Variants in SEMA5A observed in about 807,000 individuals in gnomAD.
The protein encoded by SEMA5A is semaphorin-5A.
In SEMA5A, 55 loss-of-function variants were observed where a neutral mutation model predicts 135.5. The observed-to-expected ratio is 0.41, with a 90% CI of 0.33 to 0.51. SEMA5A has a LOEUF of 0.51. Among genes scored for constraint, SEMA5A ranks in the 20% least tolerant of loss-of-function variants. The pLI is 0.37. For synonymous variants in SEMA5A, 580 were observed against 546.5 expected (o/e 1.06, Z -0.85); for missense variants, 1,290 against 1,419.9 (o/e 0.91, Z 1.47).
intron 5 of SEMA5A, among the ~76,000 whole-genome samples, chr5:9,270,051 T>C (rs757803448): frequency 6.6e-6 from 1 of 152,092 alleles, no homozygotes; most frequent in Non-Finnish European, 1.5e-5. Flanking sequence ...TATTAATACA[T>C]GCAAGGTGGT....
chr5:9,188,533 A>C (rs1282172231), intron 11 of SEMA5A, among the ~76,000 whole-genome samples: 1 of 152,106 alleles, frequency 6.6e-6, no homozygotes, highest in Non-Finnish European at 1.5e-5. Flanking sequence ...AGGTCTACTC[A>C]AGAATAGCCT....
chr5:9,099,314 C>T (rs1739496127), intron 16 of SEMA5A, among the ~76,000 whole-genome samples: 1 of 152,128 alleles, frequency 6.6e-6, no homozygotes. Context: ...CAACATGTGG[C>T]ATTTTCACTT....
chr5:9,043,977 C>T (rs908132945), intron 22 of SEMA5A, among the ~76,000 whole-genome samples: 2 of 152,216 alleles, frequency 1.3e-5, no homozygotes, highest in African/African-American at 4.8e-5. Context: ...TTCCTCCCTA[C>T]TCTAGGAGCT....
intron 2 of SEMA5A, among the ~76,000 whole-genome samples, chr5:9,391,223 C>G (rs1756146978): frequency 6.6e-6 from 1 of 152,158 alleles, no homozygotes; most frequent in Non-Finnish European, 1.5e-5. Flanking sequence ...ATTCACTGAC[C>G]CTGGGACCAG....
At chr5:9,541,746 T>C (rs1738106550) in intron 1 of SEMA5A, among the ~76,000 whole-genome samples, 1 of 152,224 alleles carries the variant, frequency 6.6e-6, no homozygotes, top group African/African-American at 2.4e-5. Context: ...ATTTTTCTGT[T>C]TTCTTGATCC....
intron 5 of SEMA5A, among the ~76,000 whole-genome samples, chr5:9,247,896 C>T (rs1457857797): frequency 6.6e-6 from 1 of 152,070 alleles, no homozygotes; most frequent in Non-Finnish European, 1.5e-5. Context: ...TATATTATCA[C>T]AATGGTAAAT....
intron 5 of SEMA5A, among the ~76,000 whole-genome samples, chr5:9,310,369 A>G (rs1702666171): frequency 6.6e-6 from 1 of 152,190 alleles, no homozygotes; most frequent in Non-Finnish European, 1.5e-5. Flanking sequence ...AACATACCTT[A>G]GTTGTTAACT....
chr5:9,136,219 G>GA (rs34149326), intron 13 of SEMA5A, among the ~76,000 whole-genome samples: 28,244 of 151,006 alleles, frequency 0.19, 2,916 homozygotes, highest in East Asian at 0.32. Flanking sequence ...TCTGGAGGGG[G>GA]AAAAAAAAAT....
intron 2 of SEMA5A, among the ~76,000 whole-genome samples, chr5:9,401,480 C>T (rs1756660315): frequency 6.6e-6 from 1 of 152,114 alleles, no homozygotes; most frequent in Non-Finnish European, 1.5e-5. Context: ...CTTATGACAC[C>T]TGTGCAATTA....
chr5:9,388,084 G>A (rs74326707), intron 2 of SEMA5A, among the ~76,000 whole-genome samples: 2,829 of 152,292 alleles, frequency 0.019, 39 homozygotes, highest in Non-Finnish European at 0.028. Context: ...TCAGGTAACT[G>A]AAGAAGTTGG....
chr5:9,164,553 C>T (rs2150292239), intron 11 of SEMA5A, among the ~76,000 whole-genome samples: 1 of 152,090 alleles, frequency 6.6e-6, no homozygotes, highest in South Asian at 2.1e-4. Flanking sequence ...ATTTATTTCA[C>T]ATAACCACCT....
intron 11 of SEMA5A, among the ~76,000 whole-genome samples, chr5:9,166,073 T>C (rs989704341): frequency 2.6e-5 from 4 of 152,170 alleles, no homozygotes; most frequent in African/African-American, 9.7e-5. Context: ...AAAAGGATAG[T>C]CAGTCGGTTT....
chr5:9,188,632 C>T (rs1487277067), intron 11 of SEMA5A, among the ~76,000 whole-genome samples: 3 of 152,104 alleles, frequency 2.0e-5, no homozygotes, highest in South Asian at 2.1e-4. Context: ...CCCTATTCTC[C>T]GTGTCATCAG....
At chr5:9,372,736 A>G (rs888889309) in intron 3 of SEMA5A, among the ~76,000 whole-genome samples, 7 of 151,402 alleles carry the variant, frequency 4.6e-5, no homozygotes, top group African/African-American at 1.7e-4. Flanking sequence ...ATAGAGGGAG[A>G]CATGGATATG....
chr5:9,216,204 A>G (rs1034475463), intron 8 of SEMA5A, among the ~76,000 whole-genome samples: 2 of 152,138 alleles, frequency 1.3e-5, no homozygotes, highest in Non-Finnish European at 2.9e-5. Flanking sequence ...ATTAGTTTCA[A>G]CGCACTTCTC....
intron 3 of SEMA5A, among the ~76,000 whole-genome samples, chr5:9,350,601 A>G (rs1754070034): frequency 6.6e-6 from 1 of 152,256 alleles, no homozygotes; most frequent in South Asian, 2.1e-4. Flanking sequence ...AAGGTCAGCC[A>G]TGCAAGCATT....
chr5:9,320,011 C>A (rs545854260), intron 4 of SEMA5A, among the ~76,000 whole-genome samples: 4 of 152,158 alleles, frequency 2.6e-5, no homozygotes, highest in Non-Finnish European at 5.9e-5. Flanking sequence ...TGTACACACA[C>A]AGCTGAAGGA....
chr5:9,207,116 A>ATATATATATATATG lies in SEMA5A; in HGVS notation c.647-4877_647-4876insCATATATATATATA, dbSNP rs1554003364. ...AATGATCAAGTGTATATATATATAT[A>ATATATATATATATG]TATATATATATATATATAAAGCTTA... On this transcript the variant is annotated intron_variant, in intron 8 of 22. Coordinates refer to ENST00000382496, the MANE Select transcript of SEMA5A (RefSeq NM_003966.3). Among the ~76,000 whole-genome samples, 817 of 135,282 alleles carry ATATATATATATATG rather than the reference A, an allele frequency of 6.0e-3. 16 individuals are homozygous for ATATATATATATATG. The highest frequency in any genetic ancestry group is 9.7e-3 in the Non-Finnish European group (614 of 63,088). The allele number at this position is 135,282 out of a possible 152,430, so 88.8% of individuals were successfully genotyped here. A position where few individuals can be genotyped will look rare whatever the true frequency, so the allele number is the denominator to read the frequency against.
At chr5:9,233,824 C>T (rs990286931) in intron 6 of SEMA5A, among the ~76,000 whole-genome samples, 2 of 152,138 alleles carry the variant, frequency 1.3e-5, no homozygotes, top group Non-Finnish European at 2.9e-5. Flanking sequence ...CCTCCCTGCA[C>T]ACCCAGCCAC....
Sources: gnomAD v4.1 joint callset for allele counts (sites outside exome capture counted in the v4.1 genomes callset) on GRCh38, gnomAD v4.1.1 for gene constraint, MANE v1.5 for transcripts, NCBI Gene and HGNC (gene_info 2026-07-23, HGNC 2026-07-21) for gene names.